MYO16: variants seen among roughly 807,000 people sequenced by gnomAD.
The protein encoded by MYO16 is unconventional myosin-XVI.
A neutral mutation model predicts 205.3 loss-of-function variants in MYO16; 94 were observed. That is an observed-to-expected ratio of 0.46 (90% CI 0.39 to 0.54). The LOEUF is 0.54. Ranked by LOEUF, MYO16 falls within the 20% of genes least tolerant of loss-of-function variation. The pLI, the probability that MYO16 is intolerant of heterozygous loss-of-function variation, is 0.00. For synonymous variants in MYO16, 988 were observed against 954.0 expected, an observed-to-expected ratio of 1.04 and a Z score of -0.66; for missense variants, 2,315 against 2,387.5, an observed-to-expected ratio of 0.97 and a Z score of 0.63.
rs942098134 is a variant in MYO16 at position 108,735,520 on chromosome 13, A to G, written c.507+7937A>G. Among the ~76,000 whole-genome samples the G allele has an allele frequency of 7.4e-5, 4 of 53,878 alleles. No individual in the cohort carries two copies. The Admixed American group carries it at 8.8e-4, about 12-fold the overall frequency. The allele number at this position is 53,878 out of a possible 152,430, so 35.3% of individuals were successfully genotyped here. ...TGGTATACACCAAGAAATGTGCCAC[A>G]TTTTCTTAATCCAGTCTATCATTGA... On this transcript the variant is annotated intron_variant, in intron 4 of 34. Coordinates refer to ENST00000457511, the MANE Select transcript of MYO16 (RefSeq NM_001198950.3).
chr13:108,527,534 T>C, the MYO16 span, among the ~76,000 whole-genome samples: 1 of 152,188 alleles, frequency 6.6e-6, no homozygotes, highest in Non-Finnish European at 1.5e-5. Context: ...TCAAAGAATA[T>C]GAGGCTTATA....
chr13:108,939,962 G>A (rs6492158), intron 16 of MYO16, among the ~76,000 whole-genome samples: 24,747 of 152,112 alleles, frequency 0.16, 2,806 homozygotes, highest in African/African-American at 0.31. Flanking sequence ...GCATGTTGCA[G>A]TATCTCACCT....
intron 6 of MYO16, among the ~76,000 whole-genome samples, chr13:108,794,354 G>C (rs1257371064): frequency 6.6e-6 from 1 of 152,170 alleles, no homozygotes; most frequent in Non-Finnish European, 1.5e-5. Context: ...AATGCAAAAT[G>C]CTTATGCCAC....
chr13:109,094,762 T>C (rs1189009711), intron 27 of MYO16, among the ~76,000 whole-genome samples: 1 of 152,176 alleles, frequency 6.6e-6, no homozygotes, highest in Non-Finnish European at 1.5e-5. Context: ...GGTTTTCTGT[T>C]CCTTTGTTAG....
chr13:108,682,792 G>A (rs551786168), intron 2 of MYO16, among the ~76,000 whole-genome samples: 9 of 152,204 alleles, frequency 5.9e-5, no homozygotes, highest in African/African-American at 1.7e-4. Flanking sequence ...AGGCCGTTTC[G>A]AGCTGCTGAA....
At chr13:108,852,475 C>T (rs1877929535) in intron 10 of MYO16, among the ~76,000 whole-genome samples, 2 of 152,178 alleles carry the variant, frequency 1.3e-5, no homozygotes, top group African/African-American at 2.4e-5. Flanking sequence ...GCCTTAAGTT[C>T]TTCATCCTTT....
chr13:108,872,379 G>A (rs935867232), intron 12 of MYO16, among the ~76,000 whole-genome samples: 27 of 151,852 alleles, frequency 1.8e-4, no homozygotes, highest in African/African-American at 6.5e-4. Flanking sequence ...ATCTTGTGAT[G>A]GGAAAAAAAC....
intron 9 of MYO16, among the ~76,000 whole-genome samples, chr13:108,830,370 A>T (rs936130975): frequency 2.1e-5 from 3 of 145,172 alleles, no homozygotes; most frequent in South Asian, 2.3e-4. Flanking sequence ...CAAATGTCCA[A>T]CAATGATAGA....
chr13:108,822,380 G>T (rs1019264997), intron 8 of MYO16, among the ~76,000 whole-genome samples: 6 of 152,058 alleles, frequency 3.9e-5, no homozygotes, highest in African/African-American at 1.4e-4. Context: ...CTAATTGATA[G>T]ACATAGGTGG....
intron 4 of MYO16, among the ~76,000 whole-genome samples, chr13:108,784,862 T>C (rs1305627353): frequency 2.6e-5 from 4 of 152,180 alleles, no homozygotes; most frequent in Admixed American, 2.6e-4. Context: ...TACATTTTTA[T>C]GGAGCTCATT....
chr13:108,953,377 TGTA>T (rs1200738537), intron 16 of MYO16, among the ~76,000 whole-genome samples: 1 of 152,252 alleles, frequency 6.6e-6, no homozygotes, highest in East Asian at 1.9e-4. Flanking sequence ...ATAGGCAAGA[TGTA>T]GTCATTCTGG....
chr13:109,080,579 C>CAAAACACAAAAAA (rs1888253307), intron 27 of MYO16, among the ~76,000 whole-genome samples: 1 of 145,708 alleles, frequency 6.9e-6, no homozygotes. Context: ...TGCCCCTCTT[C>CAAAACACAAAAAA]AAAAAAAAAA....
At chr13:108,855,141 A>G (rs977771960) in intron 10 of MYO16, among the ~76,000 whole-genome samples, 4 of 152,216 alleles carry the variant, frequency 2.6e-5, no homozygotes, top group Non-Finnish European at 5.9e-5. Flanking sequence ...ATCAGTAGGG[A>G]ATAAGAAAAG....
chr13:108,768,874 A>C (rs714612), intron 4 of MYO16, among the ~76,000 whole-genome samples: 62,137 of 151,530 alleles, frequency 0.41, 13,843 homozygotes, highest in East Asian at 0.63. Context: ...AATAGCCAAA[A>C]CCCTTGAACA....
chr13:108,936,219 G>A (rs1156735225), intron 16 of MYO16, among the ~76,000 whole-genome samples: 1 of 149,650 alleles, frequency 6.7e-6, no homozygotes, highest in Non-Finnish European at 1.5e-5. Flanking sequence ...TTGTTATCAG[G>A]GTGCTGCTGA....
chr13:109,167,964 A>G (rs1455821198), intron 33 of MYO16, among the ~76,000 whole-genome samples: 1 of 152,172 alleles, frequency 6.6e-6, no homozygotes, highest in African/African-American at 2.4e-5. Context: ...AAGAATAACT[A>G]AAAAGGCAGT....
rs1246340439 is a variant in MYO16 at position 108,888,396 on chromosome 13, T to C, written c.1578T>C (p.Ser526=). 8 of 1,604,042 alleles carry C rather than the reference T, an allele frequency of 5.0e-6. No individual in the cohort carries two copies. The highest frequency in any genetic ancestry group is 6.8e-6 in the Non-Finnish European group (8 of 1,175,604). The change falls in exon 14 of 35, where the codon TCT becomes TCC. Residue 526 remains serine (S), a synonymous_variant. Transcript: ENST00000457511. ...GTGGAGAAAGGGGATCAGGAAAGTC[T>C]GAAGCCAGCAAACAAATCATAAGAC... The part of the protein sequence containing the change: ...ILSGERGSGK[S]EASKQIIRHL...
intron 12 of MYO16, among the ~76,000 whole-genome samples, chr13:108,876,475 A>G (rs1336957583): frequency 6.6e-6 from 1 of 152,232 alleles, no homozygotes; most frequent in East Asian, 1.9e-4. Context: ...TTCTATAAAC[A>G]TAGGGTAAGT....
intron 31 of MYO16, among the ~76,000 whole-genome samples, chr13:109,134,258 A>G (rs1164749468): frequency 1.3e-5 from 2 of 152,222 alleles, no homozygotes; most frequent in Admixed American, 1.3e-4. Context: ...CCCTTGAGTC[A>G]GGTTCTCAAC....
Sources: allele counts gnomAD v4.1 joint callset (sites outside exome capture counted in the v4.1 genomes callset), GRCh38; gene constraint gnomAD v4.1.1; transcripts MANE v1.5; gene names NCBI Gene and HGNC (gene_info 2026-07-23, HGNC 2026-07-21).